UPP1: variants seen among roughly 807,000 people sequenced by gnomAD.
UPP1 encodes the protein UPase 1.
In UPP1, 25 loss-of-function variants were observed where a neutral mutation model predicts 29.6. The ratio of observed to expected loss-of-function variants is 0.85; its 90% CI spans 0.62 to 1.18. The LOEUF is 1.18. UPP1 is among the 50% of genes most tolerant of loss of function. The pLI is 0.00. For synonymous variants in UPP1, 165 were observed against 159.8 expected (o/e 1.03, Z -0.25); for missense variants, 368 against 410.4 (o/e 0.90, Z 0.89).
chr7:48,104,661 G>T (rs939971338), intron 6 of UPP1: 1 of 152,190 alleles, frequency 6.6e-6, no homozygotes, highest in Non-Finnish European at 1.5e-5. Flanking sequence ...GTTATATAGA[G>T]AGATTGATGC....
intron 6 of UPP1, chr7:48,106,422 C>T (rs536574147): frequency 2.8e-4 from 49 of 173,866 alleles, no homozygotes; most frequent in Admixed American, 7.6e-4. Flanking sequence ...GTGATTCTCC[C>T]GCCTCAGTCT....
intron 3 of UPP1, 75 bp downstream of exon 3, chr7:48,094,902 T>A: frequency 7.9e-6 from 12 of 1,525,878 alleles, no homozygotes; most frequent in Non-Finnish European, 9.9e-6. Context: ...TGCCACACAT[T>A]TTTCTAAGGA....
intron 2 of UPP1, among the ~76,000 whole-genome samples, chr7:48,092,806 G>A (rs943092937): frequency 1.3e-5 from 2 of 151,612 alleles, no homozygotes; most frequent in African/African-American, 4.8e-5. Flanking sequence ...GGGTTCCAGC[G>A]ATTCTCCTGC....
intron 4 of UPP1, among the ~76,000 whole-genome samples, chr7:48,100,099 G>A (rs549644535): frequency 6.6e-6 from 1 of 152,186 alleles, no homozygotes; most frequent in Non-Finnish European, 1.5e-5. Context: ...GGACAACATA[G>A]AGCGTAACCA....
intron 2 of UPP1, among the ~76,000 whole-genome samples, chr7:48,091,849 G>C (rs1167330356): frequency 6.6e-6 from 1 of 152,182 alleles, no homozygotes; most frequent in Non-Finnish European, 1.5e-5. Context: ...ACTGGACAAG[G>C]GAACTGATTT....
intron 2 of UPP1, among the ~76,000 whole-genome samples, chr7:48,091,367 C>T (rs1446638031): frequency 6.6e-6 from 1 of 150,870 alleles, no homozygotes; most frequent in Non-Finnish European, 1.5e-5. Flanking sequence ...AAGACTCTTC[C>T]TTGGGGAGCC....
chr7:48,102,569 A>G (rs1185248798), intron 5 of UPP1, among the ~76,000 whole-genome samples: 2 of 152,150 alleles, frequency 1.3e-5, no homozygotes, highest in South Asian at 4.1e-4. Flanking sequence ...ATGTCAACCA[A>G]CTAGAACATA....
chr7:48,091,930 C>T (rs1045026534), intron 2 of UPP1, among the ~76,000 whole-genome samples: 2 of 152,330 alleles, frequency 1.3e-5, no homozygotes, highest in Admixed American at 6.5e-5. Flanking sequence ...GAGAAACATC[C>T]TTACTCTACA....
intron 7 of UPP1, 29 bp from the exon 8 acceptor site, chr7:48,107,332 T>G (rs1224026782): frequency 8.8e-6 from 14 of 1,590,032 alleles, no homozygotes; most frequent in African/African-American, 1.4e-5. Context: ...CACATGCATG[T>G]GGTTCTCATG....
chr7:48,091,288 GTTTTTT>G (rs34459058), intron 2 of UPP1, among the ~76,000 whole-genome samples: 1 of 144,184 alleles, frequency 6.9e-6, no homozygotes, highest in Non-Finnish European at 1.5e-5. Flanking sequence ...AACATCTTCA[GTTTTTT>G]TTTTTTTTTA....
Position 48,094,823 on chromosome 7 carries a change from C to T in UPP1, c.40C>T (p.His14Tyr), listed in dbSNP as rs1239356385. 1 of 1,606,582 alleles carries T rather than the reference C, an allele frequency of 6.2e-7. No homozygotes were observed. The highest frequency in any genetic ancestry group is 8.5e-7 in the Non-Finnish European group (1 of 1,175,514). Residue 14 changes from histidine (H) to tyrosine (Y), a missense_variant, in exon 3 of 9, where the codon CAC becomes TAC. His to Tyr is a moderately conservative substitution (Grantham distance 83). Transcript: ENST00000395564. ...AGCCAATGCAGAGAAAGCTGAAAGT[C>T]ACAAGTAAGGCTCCATTTCATTCCA... ...TGANAEKAES[H>Y]NDCPVRLLNP...
At chr7:48,095,612 T>C (rs1402825581) in intron 3 of UPP1, among the ~76,000 whole-genome samples, 1 of 152,072 alleles carries the variant, frequency 6.6e-6, no homozygotes, top group Non-Finnish European at 1.5e-5. Context: ...GTGTCCATTT[T>C]GGAGTTTCTG....
intron 2 of UPP1, among the ~76,000 whole-genome samples, chr7:48,091,875 C>T (rs896327364): frequency 3.3e-5 from 5 of 152,146 alleles, no homozygotes; most frequent in African/African-American, 9.7e-5. Context: ...CTGATGTGGC[C>T]TTGGTTTCTC....
intron 4 of UPP1, 71 bp downstream of exon 4, chr7:48,099,858 C>A (rs73694336): frequency 0.016 from 15,937 of 993,916 alleles, 464 homozygotes; most frequent in African/African-American, 0.11. Context: ...TACAGGTAGA[C>A]CAACCCACAA....
At chr7:48,090,768 T>G (rs1425876158) in intron 2 of UPP1, among the ~76,000 whole-genome samples, 1 of 152,208 alleles carries the variant, frequency 6.6e-6, no homozygotes, top group Non-Finnish European at 1.5e-5. Context: ...TCTCAGCTGC[T>G]CTTACATTAT....
intron 2 of UPP1, among the ~76,000 whole-genome samples, chr7:48,092,145 C>G (rs564940877): frequency 1.4e-4 from 21 of 152,202 alleles, no homozygotes; most frequent in African/African-American, 4.6e-4. Flanking sequence ...CTCCCTACCC[C>G]TAAAGACAAA....
chr7:48,095,019 G>C (rs895083185), intron 3 of UPP1, among the ~76,000 whole-genome samples, 192 bp downstream of exon 3: 1 of 152,186 alleles, frequency 6.6e-6, no homozygotes, highest in Admixed American at 6.5e-5. Flanking sequence ...TCCGGGGTCG[G>C]GTGCTGGGGC....
At chr7:48,105,148 AG>A (rs1792659513) in intron 6 of UPP1, 1 of 152,744 alleles carries the variant, frequency 6.5e-6, no homozygotes. Flanking sequence ...AGGAAGGTGC[AG>A]GGGGACATGG....
At chr7:48,107,226 C>A (rs115297683) in intron 7 of UPP1, 135 bp from the exon 8 acceptor site, 25 of 1,393,718 alleles carry the variant, frequency 1.8e-5, no homozygotes, top group Middle Eastern at 1.9e-4. Context: ...TATAATGACC[C>A]GTTTGAGTGG....
Sources: allele counts gnomAD v4.1 joint callset (sites outside exome capture counted in the v4.1 genomes callset), GRCh38; gene constraint gnomAD v4.1.1; transcripts MANE v1.5; gene names NCBI Gene and HGNC (gene_info 2026-07-23, HGNC 2026-07-21).